The following CABLES1 variants were observed in gnomAD, a reference collection of about 807,000 sequenced individuals.
The protein encoded by CABLES1 is CDK5 and ABL1 enzyme substrate 1.
Under a neutral mutation model 57.8 loss-of-function variants are expected in CABLES1, and 36 were observed. That is an observed-to-expected ratio of 0.62 (90% CI 0.48 to 0.82). The LOEUF (loss-of-function observed/expected upper bound fraction) is 0.82. Ranked by LOEUF, CABLES1 falls within the 40% of genes least tolerant of loss-of-function variation. The pLI is 0.00. For synonymous variants in CABLES1, 374 were observed against 363.0 expected, an observed-to-expected ratio of 1.03 and a Z score of -0.35; for missense variants, 767 against 836.6, an observed-to-expected ratio of 0.92 and a Z score of 1.03.
rs2048226956 is a variant in CABLES1, at chr18:23,258,730, G to C, written c.*1363G>C. 1 of 152,196 alleles carries C rather than the reference G, an allele frequency of 6.6e-6. No homozygotes were observed. The highest frequency in any genetic ancestry group is 2.4e-5 in the African/African-American group (1 of 41,424). 9.4% of individuals were successfully genotyped at this position (152,196 alleles called of 1,614,324 possible). On this transcript the variant is annotated 3_prime_UTR_variant, in exon 10 of 10. Transcript: ENST00000256925. ...CATTGCTGATCCCCTTGCGCACACT[G>C]ATTCTAGTGAGGTCACAGATTCGGA...
chr18:23,206,817 C>CTT (rs774150949), intron 3 of CABLES1, among the ~76,000 whole-genome samples: 8,180 of 137,274 alleles, frequency 0.06, 601 homozygotes, highest in Admixed American at 0.2. Flanking sequence ...GTTTGTGCAC[C>CTT]TTTTTTTTTT....
chr18:23,257,263 C>CTGAT lies in CABLES1; in HGVS notation c.1801_1804dup (p.Ala602AspfsTer4), dbSNP rs1405077066. The CTGAT allele has an allele frequency of 5.0e-6, 8 of 1,612,842 alleles. No homozygotes were observed. Among genetic ancestry groups the CTGAT allele is most frequent in the East Asian group, 4.5e-5 (2 of 44,882 alleles). On this transcript the variant is annotated frameshift_variant, in exon 10 of 10. Transcript: ENST00000256925. LOFTEE classifies it high-confidence loss of function. ...GAAGTTCCGGCTGAACAGGCGAGAACTGATTGCCTTTGAATTCCCGGTGTT... is the reference window on the plus strand; with the variant it reads ...GAAGTTCCGGCTGAACAGGCGAGAACTGATTGATTGCCTTTGAATTCCCGGTGTT...
intron 4 of CABLES1, among the ~76,000 whole-genome samples, chr18:23,224,723 T>C (rs546325475): frequency 3.3e-5 from 5 of 151,344 alleles, no homozygotes; most frequent in African/African-American, 1.2e-4. Flanking sequence ...TGCCCGCCAC[T>C]ACACCCGGCT....
In CABLES1 at chr18:23,164,751, TA is replaced by T. The variant is rs1275780602; in HGVS notation, c.846-24082del. Reference sequence around the variant, plus strand: ...CTTTGATATGTTGTGATAAAACATATAAAAATTTATCTCTTAACTATTCTTT... The same window carrying T: ...CTTTGATATGTTGTGATAAAACATATAAAATTTATCTCTTAACTATTCTTT... On this transcript the variant is annotated intron_variant, in intron 1 of 9. Coordinates refer to ENST00000256925, the MANE Select transcript of CABLES1 (RefSeq NM_001100619.3). 2.6e-5 allele frequency among the ~76,000 whole-genome samples: 4 copies of T among 151,950 alleles called. No individual in the cohort carries two copies. The East Asian group carries it at 7.7e-4, about 29-fold the overall frequency.
chr18:23,233,409 C>T (rs189767135), intron 4 of CABLES1, among the ~76,000 whole-genome samples: 24 of 152,310 alleles, frequency 1.6e-4, no homozygotes, highest in Admixed American at 2.6e-4. Flanking sequence ...TCCAACCTAC[C>T]GTCCTGGTGA....
At chr18:23,136,729 T>C in intron 1 of CABLES1, 122 bp downstream of exon 1, 1 of 620,098 alleles carries the variant, frequency 1.6e-6, no homozygotes, top group African/African-American at 1.9e-5. Flanking sequence ...TGCCGGATCC[T>C]GTGCTCCGGG....
At chr18:23,174,879 A>G (rs987612648) in intron 1 of CABLES1, among the ~76,000 whole-genome samples, 1 of 138,992 alleles carries the variant, frequency 7.2e-6, no homozygotes, top group Non-Finnish European at 1.5e-5. Flanking sequence ...AAACTGCAGT[A>G]AAATAAACTC....
chr18:23,164,712 A>G (rs1407840732), intron 1 of CABLES1, among the ~76,000 whole-genome samples: 1 of 151,792 alleles, frequency 6.6e-6, no homozygotes, highest in Non-Finnish European at 1.5e-5. Context: ...TTGATGAAAC[A>G]TATCAAAGCT....
intron 3 of CABLES1, among the ~76,000 whole-genome samples, chr18:23,200,721 CTTAG>C (rs1042472493): frequency 3.7e-4 from 57 of 152,274 alleles, no homozygotes; most frequent in African/African-American, 1.3e-3. Flanking sequence ...GATGGAATAA[CTTAG>C]TTAAGTGAGG....
chr18:23,144,301 T>G (rs962194764), intron 1 of CABLES1, among the ~76,000 whole-genome samples: 3 of 152,220 alleles, frequency 2.0e-5, no homozygotes, highest in Non-Finnish European at 4.4e-5. Flanking sequence ...GGAACACAAA[T>G]GAAACTCCAA....
At chr18:23,197,073 T>C (rs2047289525) in intron 3 of CABLES1, 1 of 152,268 alleles carries the variant, frequency 6.6e-6, no homozygotes, top group African/African-American at 2.4e-5. Context: ...AGGGAGCCTC[T>C]GTTGTGATAC....
intron 3 of CABLES1, among the ~76,000 whole-genome samples, chr18:23,201,267 A>G (rs2047323414): frequency 6.6e-6 from 1 of 152,228 alleles, no homozygotes; most frequent in African/African-American, 2.4e-5. Flanking sequence ...ATGCAATGCC[A>G]ATACAGAGGG....
intron 7 of CABLES1, among the ~76,000 whole-genome samples, chr18:23,252,412 AT>A (rs1164893599): frequency 6.6e-6 from 1 of 152,234 alleles, no homozygotes; most frequent in Non-Finnish European, 1.5e-5. Flanking sequence ...CTAAAAGAAC[AT>A]TAGCTAACAT....
intron 4 of CABLES1, among the ~76,000 whole-genome samples, chr18:23,227,921 A>T (rs1209273769): frequency 6.6e-6 from 1 of 152,196 alleles, no homozygotes; most frequent in Admixed American, 6.5e-5. Flanking sequence ...TCCTTTGAAG[A>T]GCTAGCGCCT....
intron 7 of CABLES1, among the ~76,000 whole-genome samples, chr18:23,248,507 T>C (rs2047954449): frequency 7.4e-6 from 1 of 135,258 alleles, no homozygotes. Flanking sequence ...AGCAAGACCC[T>C]ATGTCTTTTT....
chr18:23,244,485 T>C (rs1319460717), intron 7 of CABLES1, among the ~76,000 whole-genome samples: 3 of 152,244 alleles, frequency 2.0e-5, no homozygotes, highest in Non-Finnish European at 2.9e-5. Context: ...TCCTTGTGAT[T>C]TACTGTCCTC....
intron 1 of CABLES1, among the ~76,000 whole-genome samples, chr18:23,169,555 A>T (rs1324141288): frequency 1.3e-5 from 2 of 152,202 alleles, no homozygotes; most frequent in Non-Finnish European, 2.9e-5. Flanking sequence ...TTCTTATGTT[A>T]ATGGTGCCAA....
At chr18:23,142,497 C>T (rs570271181) in intron 1 of CABLES1, among the ~76,000 whole-genome samples, 142 of 152,294 alleles carry the variant, frequency 9.3e-4, no homozygotes, top group Non-Finnish European at 5.3e-4. Flanking sequence ...ATATCAGACC[C>T]CAGACACCAC....
intron 3 of CABLES1, among the ~76,000 whole-genome samples, chr18:23,202,959 C>T (rs889782306): frequency 1.3e-5 from 2 of 149,566 alleles, no homozygotes; most frequent in Admixed American, 6.7e-5. Flanking sequence ...TGCACTCCAG[C>T]CTGGGAGACA....
Sources: gnomAD v4.1 joint callset for allele counts (sites outside exome capture counted in the v4.1 genomes callset) on GRCh38, gnomAD v4.1.1 for gene constraint, MANE v1.5 for transcripts, NCBI Gene and HGNC (gene_info 2026-07-23, HGNC 2026-07-21) for gene names.